The following UBAC2 variants were observed in gnomAD, a reference collection of about 807,000 sequenced individuals.
The protein encoded by UBAC2 is ubiquitin-associated domain-containing protein 2.
UBAC2 carries 26 observed loss-of-function variants against 44.0 expected under a neutral mutation model. The observed-to-expected ratio is 0.59, with a 90% CI of 0.43 to 0.82. The LOEUF (loss-of-function observed/expected upper bound fraction) is 0.82, where lower values mean the gene tolerates loss of function less well. UBAC2 is among the 40% of genes least tolerant of loss of function. The pLI is 0.00. For missense variants in UBAC2, 329 were observed against 419.4 expected, an observed-to-expected ratio of 0.78 and a Z score of 1.88; for synonymous variants, 155 against 154.3, an observed-to-expected ratio of 1.00 and a Z score of -0.04.
rs2045234208 is a variant in UBAC2 at position 99,359,469 on chromosome 13, A to G, written c.808-8318A>G. Among the ~76,000 whole-genome samples, 3 of 152,302 alleles carry G rather than the reference A, an allele frequency of 2.0e-5. No homozygotes were observed. In the South Asian group the frequency reaches 6.2e-4, roughly 32 times the overall value. Reference sequence around the variant, plus strand: ...TTTTTCTGCCCTTGATCTCCGTGGTAGGTCATCCCCTTTGTCAGAGACTCC... The same window carrying G: ...TTTTTCTGCCCTTGATCTCCGTGGTGGGTCATCCCCTTTGTCAGAGACTCC... On this transcript the variant is annotated intron_variant, in intron 7 of 8. Transcript: ENST00000403766.
rs146560243 is a variant in UBAC2, at chr13:99,237,374, A to G, written c.32-1053A>G. On this transcript the variant is annotated intron_variant, in intron 1 of 8. Coordinates refer to ENST00000403766, the MANE Select transcript of UBAC2 (RefSeq NM_001144072.2). ...ACATGGATGGAACTAGAAGACATGTAAGTGAAATAAGAACAAAAAGACAAA... is the reference window on the plus strand; with the variant it reads ...ACATGGATGGAACTAGAAGACATGTGAGTGAAATAAGAACAAAAAGACAAA... Among the ~76,000 whole-genome samples the G allele has an allele frequency of 2.5e-3, 379 of 152,266 alleles. 1 individual carries two copies. The highest frequency in any genetic ancestry group is 4.3e-3 in the Non-Finnish European group (292 of 68,028).
chr13:99,269,544 G>A (rs766865025), intron 4 of UBAC2, among the ~76,000 whole-genome samples: 30 of 151,974 alleles, frequency 2.0e-4, no homozygotes, highest in Non-Finnish European at 3.8e-4. Context: ...TTTGAAGTAC[G>A]TACTTCCAGA....
chr13:99,241,726 CTTTT>C (rs34012077), intron 2 of UBAC2, among the ~76,000 whole-genome samples: 2 of 140,560 alleles, frequency 1.4e-5, no homozygotes, highest in African/African-American at 2.7e-5. Context: ...AAAATTTTAA[CTTTT>C]TTTTTTTTTC....
At chr13:99,301,678 A>G (rs1366020495) in intron 4 of UBAC2, among the ~76,000 whole-genome samples, 1 of 152,142 alleles carries the variant, frequency 6.6e-6, no homozygotes, top group East Asian at 1.9e-4. Context: ...AAACTCATTT[A>G]TTTAGCATCT....
At chr13:99,305,877 A>ATG (rs2044325673) in intron 4 of UBAC2, among the ~76,000 whole-genome samples, 2 of 151,364 alleles carry the variant, frequency 1.3e-5, no homozygotes. Flanking sequence ...TCATCCATAG[A>ATG]CTCAGGGCCA....
intron 6 of UBAC2, among the ~76,000 whole-genome samples, chr13:99,330,591 G>T (rs776393992): frequency 2.6e-4 from 40 of 151,738 alleles, no homozygotes; most frequent in Non-Finnish European, 4.6e-4. Flanking sequence ...TAGGTGGTCT[G>T]TGTCATCCAG....
chr13:99,353,490 C>T (rs548243740), intron 7 of UBAC2, among the ~76,000 whole-genome samples: 5 of 152,168 alleles, frequency 3.3e-5, no homozygotes, highest in Admixed American at 6.5e-5. Context: ...GAAAAAAGAG[C>T]GAGGTACAGT....
chr13:99,241,850 A>G (rs1183534387), intron 2 of UBAC2, among the ~76,000 whole-genome samples: 1 of 149,558 alleles, frequency 6.7e-6, no homozygotes, highest in East Asian at 1.9e-4. Context: ...AAGTGAACAA[A>G]GGTCTCTGGT....
At chr13:99,216,748 G>T (rs1003324067) in intron 1 of UBAC2, among the ~76,000 whole-genome samples, 1 of 152,116 alleles carries the variant, frequency 6.6e-6, no homozygotes, top group Non-Finnish European at 1.5e-5. Flanking sequence ...AACGTGGACA[G>T]GTGTCCTGGG....
intron 8 of UBAC2, among the ~76,000 whole-genome samples, chr13:99,380,037 C>T (rs572402057): frequency 1.3e-5 from 2 of 152,252 alleles, no homozygotes; most frequent in South Asian, 2.1e-4. Context: ...AGGCATGTCA[C>T]AGCTGAAGGA....
chr13:99,324,712 C>T (rs562495116), intron 6 of UBAC2, among the ~76,000 whole-genome samples: 2 of 152,242 alleles, frequency 1.3e-5, no homozygotes, highest in East Asian at 3.9e-4. Context: ...TCATGCACTG[C>T]GTAACAACGT....
At chr13:99,337,272 A>G (rs942646477) in intron 6 of UBAC2, among the ~76,000 whole-genome samples, 3 of 152,150 alleles carry the variant, frequency 2.0e-5, no homozygotes, top group African/African-American at 4.8e-5. Flanking sequence ...AAAGTTTTGC[A>G]TCTTCCTATT....
chr13:99,226,553 A>C (rs1478491924), intron 1 of UBAC2, among the ~76,000 whole-genome samples: 1 of 152,164 alleles, frequency 6.6e-6, no homozygotes, highest in Non-Finnish European at 1.5e-5. Flanking sequence ...TCATTCAAAA[A>C]CATGTCCAAT....
chr13:99,310,744 A>G (rs2044400218), intron 4 of UBAC2, among the ~76,000 whole-genome samples: 1 of 152,224 alleles, frequency 6.6e-6, no homozygotes, highest in Admixed American at 6.5e-5. Flanking sequence ...TAAAATTTCT[A>G]CCAGTATTTT....
At chr13:99,252,226 A>T (rs377656760) in intron 4 of UBAC2, among the ~76,000 whole-genome samples, 1 of 152,346 alleles carries the variant, frequency 6.6e-6, no homozygotes, top group Non-Finnish European at 1.5e-5. Flanking sequence ...AATTGTCCTT[A>T]TATGTGTATT....
intron 8 of UBAC2, among the ~76,000 whole-genome samples, chr13:99,378,929 A>T (rs1328938267): frequency 6.6e-6 from 1 of 152,284 alleles, no homozygotes; most frequent in Non-Finnish European, 1.5e-5. Context: ...GGGGAAAAGT[A>T]CATGGCATAA....
chr13:99,211,700 G>A (rs1270960210), intron 1 of UBAC2, among the ~76,000 whole-genome samples: 1 of 152,190 alleles, frequency 6.6e-6, no homozygotes, highest in African/African-American at 2.4e-5. Flanking sequence ...GAACCCAGAT[G>A]GTCTGGCTGC....
At chr13:99,263,607 C>T (rs1322301506) in intron 4 of UBAC2, among the ~76,000 whole-genome samples, 1 of 152,144 alleles carries the variant, frequency 6.6e-6, no homozygotes, top group Non-Finnish European at 1.5e-5. Context: ...AATGAAGATA[C>T]CAACACTCCA....
intron 8 of UBAC2, among the ~76,000 whole-genome samples, chr13:99,369,984 C>T (rs1257943127): frequency 6.6e-6 from 1 of 152,102 alleles, no homozygotes; most frequent in Non-Finnish European, 1.5e-5. Context: ...GGGAGTCATG[C>T]TGCCCAAGTG....
Sources: allele counts gnomAD v4.1 joint callset (sites outside exome capture counted in the v4.1 genomes callset), GRCh38; gene constraint gnomAD v4.1.1; transcripts MANE v1.5; gene names NCBI Gene and HGNC (gene_info 2026-07-23, HGNC 2026-07-21).